BPIFA3: variants seen among roughly 807,000 people sequenced by gnomAD.
BPIFA3 encodes BPI fold-containing family A member 3.
BPIFA3 carries 32 observed loss-of-function variants against 29.7 expected under a neutral mutation model. The observed-to-expected ratio is 1.08, with a 90% CI of 0.81 to 1.45. The LOEUF (loss-of-function observed/expected upper bound fraction) is 1.45, where lower values mean the gene tolerates loss of function less well. Ranked by LOEUF, BPIFA3 falls within the 40% of genes most tolerant of loss-of-function variation. BPIFA3 has a pLI of 0.00. For synonymous variants in BPIFA3, 112 were observed against 113.7 expected, an observed-to-expected ratio of 0.98 and a Z score of 0.10; for missense variants, 323 against 311.3, an observed-to-expected ratio of 1.04 and a Z score of -0.28.
In BPIFA3 at chr20:33,217,533, C is replaced by G; in HGVS notation, c.-4C>G. On this transcript the variant is annotated 5_prime_UTR_variant, in exon 1 of 7. Transcript: ENST00000375454. ...ACTCTTGACATCTGCAGGTCCCAGA[C>G]CCTATGATGTGTCCACTCTGGAGGC... The G allele has an allele frequency of 6.2e-7, 1 of 1,613,864 alleles. No individual in the cohort carries two copies. The highest frequency in any genetic ancestry group is 8.5e-7 in the Non-Finnish European group (1 of 1,179,854).
intron 1 of BPIFA3, among the ~76,000 whole-genome samples, chr20:33,219,062 T>C (rs1461721163): frequency 2.6e-5 from 4 of 152,110 alleles, no homozygotes. Flanking sequence ...CATGCCACCA[T>C]GCCCGGCTAA....
intron 4 of BPIFA3, 124 bp from the exon 5 acceptor site, chr20:33,226,282 T>C (rs1985773484): frequency 4.2e-6 from 3 of 714,134 alleles, no homozygotes; most frequent in Non-Finnish European, 7.3e-6. Flanking sequence ...CTGACAATGA[T>C]ACTTCTGGCA....
At chr20:33,219,962 T>C (rs750865973) in intron 1 of BPIFA3, among the ~76,000 whole-genome samples, 1 of 151,956 alleles carries the variant, frequency 6.6e-6, no homozygotes, top group Non-Finnish European at 1.5e-5. Context: ...TAGCCAGGCA[T>C]GGTGGCACAC....
At chr20:33,219,894 A>G (rs1382010009) in intron 1 of BPIFA3, among the ~76,000 whole-genome samples, 1 of 152,108 alleles carries the variant, frequency 6.6e-6, no homozygotes, top group African/African-American at 2.4e-5. Flanking sequence ...CTAGGAATTC[A>G]AGACCAGCCT....
chr20:33,223,170 G>T (rs893221676), intron 1 of BPIFA3, among the ~76,000 whole-genome samples: 50 of 152,210 alleles, frequency 3.3e-4, no homozygotes, highest in Non-Finnish European at 5.1e-4. Flanking sequence ...TATGACAAAG[G>T]TTTCTGCTGC....
At chr20:33,222,749 T>A (rs978096176) in intron 1 of BPIFA3, among the ~76,000 whole-genome samples, 6 of 152,196 alleles carry the variant, frequency 3.9e-5, no homozygotes, top group Non-Finnish European at 8.8e-5. Context: ...TGGTGTCTGC[T>A]GCTCACAAAT....
chr20:33,225,087 C>T lies in BPIFA3; in HGVS notation c.387-11C>T. 8 of 1,613,438 alleles carry T rather than the reference C, an allele frequency of 5.0e-6. No homozygotes were observed. Among genetic ancestry groups the T allele is most frequent in the Non-Finnish European group, 6.8e-6 (8 of 1,179,448 alleles). On this transcript the variant is annotated splice_polypyrimidine_tract_variant and intron_variant, in intron 3 of 6. Transcript: ENST00000375454. ...CCCTTGCCCTTCCTCCTCTTCCTCT[C>T]TCATCTGCAGGTCCTTCGATAACAA...
chr20:33,219,182 A>T (rs1985401177), intron 1 of BPIFA3, among the ~76,000 whole-genome samples: 1 of 152,128 alleles, frequency 6.6e-6, no homozygotes, highest in Non-Finnish European at 1.5e-5. Context: ...TGGCATTACA[A>T]GTGTAAGCCA....
At chr20:33,222,553 C>T (rs1005769566) in intron 1 of BPIFA3, among the ~76,000 whole-genome samples, 6 of 131,182 alleles carry the variant, frequency 4.6e-5, no homozygotes, top group African/African-American at 1.9e-4. Flanking sequence ...GATAGATGGA[C>T]AGATGGATGG....
intron 3 of BPIFA3, among the ~76,000 whole-genome samples, chr20:33,224,748 T>C (rs904799356): frequency 5.3e-5 from 8 of 152,200 alleles, no homozygotes; most frequent in African/African-American, 1.9e-4. Flanking sequence ...GCTGTAATCA[T>C]CTCATCGCCC....
intron 1 of BPIFA3, among the ~76,000 whole-genome samples, chr20:33,218,217 G>A (rs1985351397): frequency 6.6e-6 from 1 of 152,192 alleles, no homozygotes; most frequent in African/African-American, 2.4e-5. Context: ...ACACTGAGAT[G>A]AACCTCCTTG....
chr20:33,222,592 A>ATGGATGGT (rs1555793142), intron 1 of BPIFA3, among the ~76,000 whole-genome samples: 18 of 131,068 alleles, frequency 1.4e-4, no homozygotes, highest in African/African-American at 7.1e-4. Context: ...GGATGGATGG[A>ATGGATGGT]TGGATGGATG....
intron 6 of BPIFA3, 37 bp downstream of exon 6, chr20:33,227,030 A>T: frequency 6.3e-7 from 1 of 1,589,962 alleles, no homozygotes; most frequent in Non-Finnish European, 8.6e-7. Flanking sequence ...ACTTCTTAGG[A>T]CTGGCAAGTG....
At chr20:33,218,403 T>A (rs933601342) in intron 1 of BPIFA3, among the ~76,000 whole-genome samples, 4 of 152,226 alleles carry the variant, frequency 2.6e-5, no homozygotes, top group African/African-American at 9.6e-5. Flanking sequence ...TGTCTCCCCA[T>A]GTTCCCCAGC....
intron 5 of BPIFA3, 42 bp downstream of exon 5, chr20:33,226,532 C>A: frequency 7.2e-7 from 1 of 1,382,528 alleles, no homozygotes; most frequent in Non-Finnish European, 1.0e-6. Context: ...ATCCTTGAGT[C>A]CGAGGGTTAG....
intron 1 of BPIFA3, 33 bp downstream of exon 1, chr20:33,217,696 A>G (rs750772400): frequency 3.1e-6 from 5 of 1,601,432 alleles, no homozygotes; most frequent in Non-Finnish European, 4.3e-6. Flanking sequence ...CCTGCTGCCT[A>G]CGGGGCTGGG....
At position 33,223,711 on chromosome 20, in the gene BPIFA3, A is replaced by G. The variant is rs576222274; in HGVS notation, c.128-100A>G. The G allele has an allele frequency of 4.8e-5, 65 of 1,353,138 alleles. No homozygotes were observed. In the African/African-American group the frequency reaches 8.4e-4, roughly 17 times the overall value. The allele number at this position is 1,353,138 out of a possible 1,614,324, so 83.8% of individuals were successfully genotyped here. ...GGTGACATGCACCACTCACTAAGCAATCAGATCTTGCACCAGCCTGCAACC... is the reference window on the plus strand; with the variant it reads ...GGTGACATGCACCACTCACTAAGCAGTCAGATCTTGCACCAGCCTGCAACC... On this transcript the variant is annotated intron_variant, in intron 1 of 6. Coordinates refer to ENST00000375454, the MANE Select transcript of BPIFA3 (RefSeq NM_178466.5).
chr20:33,217,739 T>C (rs1985332544), intron 1 of BPIFA3, 76 bp downstream of exon 1: 1 of 1,516,224 alleles, frequency 6.6e-7, no homozygotes, highest in Non-Finnish European at 8.8e-7. Flanking sequence ...GCTCCACTGC[T>C]AACCCGCTGG....
intron 6 of BPIFA3, 101 bp downstream of exon 6, chr20:33,227,094 G>A (rs750548402): frequency 2.0e-5 from 19 of 971,120 alleles, no homozygotes; most frequent in East Asian, 9.6e-5. Flanking sequence ...GCTAAGGGGC[G>A]TCTGCATGTG....
Sources: gnomAD v4.1 joint callset for allele counts (sites outside exome capture counted in the v4.1 genomes callset) on GRCh38, gnomAD v4.1.1 for gene constraint, MANE v1.5 for transcripts, NCBI Gene and HGNC (gene_info 2026-07-23, HGNC 2026-07-21) for gene names.